Variants in NPC1 observed in about 807,000 individuals in gnomAD.
The protein encoded by NPC1 is NPC intracellular cholesterol transporter 1.
In NPC1, 85 loss-of-function variants were observed where a neutral mutation model predicts 140.4. That is an observed-to-expected ratio of 0.61 (90% CI 0.51 to 0.72). NPC1 has a LOEUF of 0.72. NPC1 is among the 30% of genes least tolerant of loss of function. The pLI is 0.00. For missense variants in NPC1, 1,504 were observed against 1,623.8 expected, an observed-to-expected ratio of 0.93 and a Z score of 1.27; for synonymous variants, 656 against 624.8, an observed-to-expected ratio of 1.05 and a Z score of -0.74.
chr18:23,536,742 C>T lies in NPC1; in HGVS notation c.3176G>A (p.Arg1059Gln), dbSNP rs771000314. 2.2e-5 allele frequency: 35 copies of T among 1,614,010 alleles called. No homozygotes were observed. Among genetic ancestry groups the T allele is most frequent in the East Asian group, 4.5e-5 (2 of 44,898 alleles). Residue 1059 changes from arginine to glutamine, a missense_variant, in exon 21 of 25, where the codon CGA (arginine) becomes CAA (glutamine). Transcript: ENST00000269228. ...ADFIDALKKA[R>Q]LIASNVTETM... The stretch of plus-strand genomic sequence containing the variant: ...TTCGGTGACATTACTGGCTATAAGT[C>T]GGGCTTTCTTCAGAGCGTCAATAAA...
At chr18:23,571,404 A>G (rs1160397535) in intron 3 of NPC1, among the ~76,000 whole-genome samples, 2 of 152,004 alleles carry the variant, frequency 1.3e-5, no homozygotes, top group African/African-American at 4.8e-5. Flanking sequence ...CTGTAATCCC[A>G]GCCTGTAATA....
chr18:23,565,615 A>G (rs564318916), intron 4 of NPC1, among the ~76,000 whole-genome samples: 1 of 152,286 alleles, frequency 6.6e-6, no homozygotes, highest in East Asian at 1.9e-4. Context: ...CGGCCTTCCA[A>G]AGTGCTTGGA....
chr18:23,513,146 A>G (rs1788811), intron 3 of NPC1, among the ~76,000 whole-genome samples: 151,930 of 152,280 alleles, frequency 1, 75,791 homozygotes, highest in Middle Eastern at 1. Context: ...TAGAGATGGG[A>G]TTTCACCATG....
downstream of NPC1, among the ~76,000 whole-genome samples, chr18:23,518,548 C>T (rs759767386): frequency 6.6e-6 from 1 of 151,942 alleles, no homozygotes; most frequent in Non-Finnish European, 1.5e-5. Context: ...AAGGAATATA[C>T]ATTCATTATA....
chr18:23,539,618 C>A, intron 18 of NPC1, 148 bp from the exon 19 acceptor site: 1 of 787,984 alleles, frequency 1.3e-6, no homozygotes, highest in South Asian at 1.7e-5. Flanking sequence ...ATGAAAAAAG[C>A]CTTCAAAGTA....
intron 9 of NPC1, 106 bp downstream of exon 9, chr18:23,554,649 CTTG>C (rs1408134820): frequency 1.3e-4 from 105 of 780,842 alleles, no homozygotes; most frequent in Non-Finnish European, 2.0e-4. Context: ...AGGGCAAGGT[CTTG>C]TTGTTTGCTC....
intron 1 of NPC1, among the ~76,000 whole-genome samples, chr18:23,574,129 CG>C (rs944211104): frequency 1.3e-5 from 2 of 152,122 alleles, no homozygotes; most frequent in Non-Finnish European, 2.9e-5. Flanking sequence ...GGAAAAACAC[CG>C]AGGCAATCTC....
chr18:23,544,992 A>C lies in NPC1; in HGVS notation c.1915T>G (p.Leu639Val). The C allele has an allele frequency of 6.8e-7, 1 of 1,460,490 alleles. No homozygotes were observed. The highest frequency in any genetic ancestry group is 9.3e-7 in the Non-Finnish European group (1 of 1,074,580). 90.5% of individuals were successfully genotyped at this position (1,460,490 alleles called of 1,614,324 possible). A position where few individuals can be genotyped will look rare whatever the true frequency, so the allele number is the denominator to read the frequency against. ...AIMFLYISLA[L>V]GHMKSCRRLL... ...CTGCGACAGCTTTTCATGTGCCCCAAGGCTAGGGAAATATATAGAAACATG... is the reference window on the plus strand; with the variant it reads ...CTGCGACAGCTTTTCATGTGCCCCACGGCTAGGGAAATATATAGAAACATG... Residue 639 changes from leucine to valine, a missense_variant, in exon 12 of 25, where the codon TTG becomes GTG. Transcript: ENST00000269228.
chr18:23,509,500 G>A (rs887223358), intron 3 of NPC1: 2 of 249,638 alleles, frequency 8.0e-6, no homozygotes, highest in Admixed American at 1.1e-4. Flanking sequence ...CTCCTGAGTA[G>A]GTGGGACTAC....
intron 1 of NPC1, among the ~76,000 whole-genome samples, chr18:23,523,974 G>A (rs1199738772): frequency 1.3e-5 from 2 of 152,112 alleles, no homozygotes; most frequent in Non-Finnish European, 2.9e-5. Context: ...CCCCGTACGT[G>A]CTTTCAGTGA....
rs757862339 is a variant in NPC1, at chr18:23,543,472, G to A, written c.2228C>T (p.Thr743Ile). The A allele has an allele frequency of 1.2e-6, 2 of 1,603,814 alleles. No individual in the cohort carries two copies. The highest frequency in any genetic ancestry group is 4.5e-5 in the East Asian group (2 of 44,838). Residue 743 changes from threonine (T) to isoleucine (I), a missense_variant, in exon 14 of 25, where the codon ACT (threonine) becomes ATT (isoleucine). Transcript: ENST00000269228. ...PSMFLSSFSE[T>I]VAFFLGALSV... Reference sequence around the variant, plus strand: ...ATAATTACCTAAGAAAAATGCTACAGTCTCAGAAAAGGATGACAGGAACAT... The same window carrying A: ...ATAATTACCTAAGAAAAATGCTACAATCTCAGAAAAGGATGACAGGAACAT...
chr18:23,566,310 G>A (rs2059122265), intron 4 of NPC1, among the ~76,000 whole-genome samples: 1 of 152,138 alleles, frequency 6.6e-6, no homozygotes, highest in Admixed American at 6.5e-5. Flanking sequence ...CTTGAACCTA[G>A]GAGGTTGAGG....
At chr18:23,575,609 A>G (rs147488282) in intron 1 of NPC1, among the ~76,000 whole-genome samples, 59 of 152,136 alleles carry the variant, frequency 3.9e-4, no homozygotes, top group African/African-American at 1.3e-3. Context: ...GCAATCAAAT[A>G]TAAGGAATTA....
intron 4 of NPC1, 93 bp downstream of exon 4, chr18:23,568,728 TGA>T (rs2059160949): frequency 2.0e-6 from 2 of 1,013,044 alleles, no homozygotes; most frequent in Non-Finnish European, 3.1e-6. Context: ...CTGAAAATTG[TGA>T]TTTTCCAGAG....
Position 23,560,413 on chromosome 18 carries a change from C to T in NPC1, c.699G>A (p.Glu233=), listed in dbSNP as rs769468514. 14 of 1,614,072 alleles carry T rather than the reference C, an allele frequency of 8.7e-6. No homozygotes were observed. In the South Asian group the frequency reaches 1.1e-4, roughly 13 times the overall value. ...ATKGCDESVD[E]VTAPCSCQDC... Reference sequence around the variant, plus strand: ...CTTGGCAGCTACATGGTGCTGTGACCTCATCCACAGACTCGTCACAGCCTT... The same window carrying T: ...CTTGGCAGCTACATGGTGCTGTGACTTCATCCACAGACTCGTCACAGCCTT... The change falls in exon 6 of 25, where the codon GAG becomes GAA. Residue 233 remains glutamate, a synonymous_variant. Coordinates refer to ENST00000269228, the MANE Select transcript of NPC1 (RefSeq NM_000271.5).
intron 6 of NPC1, among the ~76,000 whole-genome samples, chr18:23,557,760 C>CAAAA (rs2058976328): frequency 6.8e-6 from 1 of 146,654 alleles, no homozygotes; most frequent in Non-Finnish European, 1.5e-5. Context: ...AACAAACAAA[C>CAAAA]AAAAACATGC....
chr18:23,533,053 G>C, intron 24 of NPC1: 1 of 824,622 alleles, frequency 1.2e-6, no homozygotes, highest in South Asian at 2.1e-5. Context: ...CAGTGGCAGG[G>C]AGGAGCTGCC....
chr18:23,540,028 A>G (rs2058690816), intron 17 of NPC1, 27 bp from the exon 18 acceptor site: 3 of 1,591,762 alleles, frequency 1.9e-6, no homozygotes, highest in Non-Finnish European at 2.6e-6. Flanking sequence ...AGAATAGGAG[A>G]GAGTGTGAAC....
chr18:23,528,983 G>A (rs1197613760), downstream of NPC1: 3 of 786,186 alleles, frequency 3.8e-6, no homozygotes, highest in African/African-American at 3.6e-5. Flanking sequence ...GGGTTCAAGG[G>A]ATTCTCCTGC....
Sources: gnomAD v4.1 joint callset for allele counts (sites outside exome capture counted in the v4.1 genomes callset) on GRCh38, gnomAD v4.1.1 for gene constraint, MANE v1.5 for transcripts, NCBI Gene and HGNC (gene_info 2026-07-23, HGNC 2026-07-21) for gene names.